The following FAM107B variants were observed in gnomAD, a reference collection of about 807,000 sequenced individuals.
FAM107B encodes family with sequence similarity 107 member B.
In FAM107B, 21 loss-of-function variants were observed where a neutral mutation model predicts 31.5. That is an observed-to-expected ratio of 0.67 (90% CI 0.47 to 0.96). The LOEUF is 0.96. FAM107B is among the 40% of genes least tolerant of loss of function. FAM107B has a pLI of 0.00. For missense variants in FAM107B, 452 were observed against 377.1 expected, an observed-to-expected ratio of 1.20 and a Z score of -1.64; for synonymous variants, 157 against 141.5, an observed-to-expected ratio of 1.11 and a Z score of -0.78.
At chr10:14,655,613 C>A (rs945392558) in intron 2 of FAM107B, among the ~76,000 whole-genome samples, 4 of 152,154 alleles carry the variant, frequency 2.6e-5, no homozygotes, top group African/African-American at 9.7e-5. Flanking sequence ...GCCAAGGGAC[C>A]CTCTCTTAGT....
chr10:14,521,259 G>A lies in FAM107B; in HGVS notation c.852C>T (p.Pro284=), dbSNP rs778239757. The change falls in exon 5 of 5, where the codon CCC becomes CCT. Residue 284 remains proline (P), a synonymous_variant. Coordinates refer to ENST00000181796, the MANE Select transcript of FAM107B (RefSeq NM_031453.4). ...QKLQEEQENA[P]EFVKVKGNLR... ...GATTGCCTTTCACCTTCACAAACTC[G>A]GGGGCATTTTCTTGCTCTTCTTGCA... The A allele has an allele frequency of 3.1e-5, 50 of 1,613,926 alleles. No homozygotes were observed. In the East Asian group the frequency reaches 3.6e-4, roughly 12 times the overall value.
intron 2 of FAM107B, among the ~76,000 whole-genome samples, chr10:14,539,645 A>G (rs1280970785): frequency 6.6e-6 from 1 of 152,192 alleles, no homozygotes; most frequent in Non-Finnish European, 1.5e-5. Context: ...TAGATAGAAG[A>G]AAACTAATTT....
chr10:14,647,325 A>G (rs1564613191), intron 2 of FAM107B, among the ~76,000 whole-genome samples: 1 of 152,200 alleles, frequency 6.6e-6, no homozygotes, highest in Non-Finnish European at 1.5e-5. Context: ...CCAGATTTTC[A>G]GTGCTACAAA....
intron 1 of FAM107B, among the ~76,000 whole-genome samples, chr10:14,688,489 G>C (rs892313612): frequency 6.6e-6 from 1 of 151,942 alleles, no homozygotes; most frequent in Non-Finnish European, 1.5e-5. Flanking sequence ...ATAAATACAC[G>C]TACACACAAC....
chr10:14,771,807 T>A (rs954656039), intron 1 of FAM107B, among the ~76,000 whole-genome samples: 1 of 152,208 alleles, frequency 6.6e-6, no homozygotes, highest in Non-Finnish European at 1.5e-5. Flanking sequence ...TGAGCCACTA[T>A]GCCCAGCCAA....
intron 1 of FAM107B, among the ~76,000 whole-genome samples, chr10:14,674,549 G>T (rs1854636061): frequency 6.6e-6 from 1 of 152,140 alleles, no homozygotes; most frequent in South Asian, 2.1e-4. Flanking sequence ...CATTTAGAAT[G>T]CAGTTCCTTA....
At chr10:14,729,280 CA>C (rs1856108745) in intron 1 of FAM107B, among the ~76,000 whole-genome samples, 1 of 152,080 alleles carries the variant, frequency 6.6e-6, no homozygotes, top group African/African-American at 2.4e-5. Flanking sequence ...ATTACAAATG[CA>C]AGCTACCGCA....
chr10:14,738,854 G>T (rs1273422879), intron 1 of FAM107B, among the ~76,000 whole-genome samples: 2 of 152,182 alleles, frequency 1.3e-5, no homozygotes, highest in African/African-American at 4.8e-5. Flanking sequence ...TGTGTAACAA[G>T]CAACCCCCAA....
At chr10:14,528,180 T>TTTTTTTG (rs1359228121) in intron 3 of FAM107B, 6 of 172,760 alleles carry the variant, frequency 3.5e-5, no homozygotes, top group African/African-American at 1.6e-4. Context: ...TTTGGTTTTT[T>TTTTTTTG]TTTTTTTTTT....
chr10:14,592,954 G>A (rs1186216019), intron 2 of FAM107B, among the ~76,000 whole-genome samples: 3 of 152,164 alleles, frequency 2.0e-5, no homozygotes, highest in South Asian at 2.1e-4. Flanking sequence ...CAAGTCGTGA[G>A]GATTTCTAAC....
At chr10:14,690,597 T>G (rs538358082) in intron 1 of FAM107B, among the ~76,000 whole-genome samples, 1 of 152,080 alleles carries the variant, frequency 6.6e-6, no homozygotes, top group Admixed American at 6.5e-5. Context: ...GGACTACAGT[T>G]GCGCGCCACC....
rs56995042 is a variant in FAM107B at position 14,594,518 on chromosome 10, C to CA, written c.470-64004dup. ...GACCCTGCCAAAAAAAAAAAAAAAA[C>CA]AAAAAAAAACAAAACTGGCAAATGC... On this transcript the variant is annotated intron_variant, in intron 2 of 4. Transcript: ENST00000181796. Among the ~76,000 whole-genome samples the CA allele has an allele frequency of 8.8e-3, 1,171 of 133,110 alleles. 15 individuals are homozygous for CA. Among genetic ancestry groups the CA allele is most frequent in the African/African-American group, 0.029 (1,063 of 36,806 alleles). The allele number at this position is 133,110 out of a possible 152,430, so 87.3% of individuals were successfully genotyped here. A position where few individuals can be genotyped will look rare whatever the true frequency, so the allele number is the denominator to read the frequency against.
At chr10:14,562,883 C>T (rs1024823514) in intron 2 of FAM107B, among the ~76,000 whole-genome samples, 1 of 152,194 alleles carries the variant, frequency 6.6e-6, no homozygotes, top group African/African-American at 2.4e-5. Context: ...TCCCATAGGA[C>T]AAGATATTCT....
At chr10:14,556,261 G>T (rs988959282) in intron 2 of FAM107B, 9 of 768,634 alleles carry the variant, frequency 1.2e-5, no homozygotes, top group African/African-American at 1.9e-5. Context: ...CATCAGAACC[G>T]ACTGACTGGA....
intron 3 of FAM107B, among the ~76,000 whole-genome samples, chr10:14,526,931 G>A (rs750799985): frequency 5.0e-4 from 76 of 151,480 alleles, no homozygotes; most frequent in Non-Finnish European, 8.8e-4. Flanking sequence ...TCCGCCTCCC[G>A]GGTTCACGCT....
At chr10:14,546,260 A>C (rs925996727) in intron 2 of FAM107B, among the ~76,000 whole-genome samples, 1 of 152,224 alleles carries the variant, frequency 6.6e-6, no homozygotes, top group African/African-American at 2.4e-5. Flanking sequence ...AGCTCGGACT[A>C]GGACCAAGAT....
chr10:14,611,808 A>C (rs1362476106), intron 2 of FAM107B, among the ~76,000 whole-genome samples: 1 of 151,910 alleles, frequency 6.6e-6, no homozygotes, highest in Non-Finnish European at 1.5e-5. Context: ...TTCTAAGCTC[A>C]TTCATTTATA....
intron 2 of FAM107B, among the ~76,000 whole-genome samples, chr10:14,550,245 C>G (rs1224590801): frequency 6.6e-6 from 1 of 152,162 alleles, no homozygotes; most frequent in East Asian, 1.9e-4. Flanking sequence ...AGCGTCCATC[C>G]TCAAGTCAAT....
chr10:14,557,411 A>G (rs1849796190), intron 2 of FAM107B, among the ~76,000 whole-genome samples: 1 of 152,234 alleles, frequency 6.6e-6, no homozygotes, highest in South Asian at 2.1e-4. Context: ...TATTTGTACT[A>G]AACTGGTCAC....
Sources: gnomAD v4.1 joint callset for allele counts (sites outside exome capture counted in the v4.1 genomes callset) on GRCh38, gnomAD v4.1.1 for gene constraint, MANE v1.5 for transcripts, NCBI Gene and HGNC (gene_info 2026-07-23, HGNC 2026-07-21) for gene names.